Variants in CCNJL observed in about 807,000 individuals in gnomAD.
CCNJL encodes the protein cyclin J like, also known as cyclin-J-like protein.
Under a neutral mutation model 33.4 loss-of-function variants are expected in CCNJL, and 33 were observed. That is an observed-to-expected ratio of 0.99 (90% CI 0.75 to 1.32). CCNJL has a LOEUF of 1.32. CCNJL is among the 40% of genes most tolerant of loss of function. The pLI is 0.00. For missense variants in CCNJL, 512 were observed against 499.7 expected, an observed-to-expected ratio of 1.02 and a Z score of -0.23; for synonymous variants, 227 against 220.9, an observed-to-expected ratio of 1.03 and a Z score of -0.24.
intron 1 of CCNJL, among the ~76,000 whole-genome samples, chr5:160,335,028 C>T (rs1363121943): frequency 4.6e-5 from 7 of 152,202 alleles, no homozygotes; most frequent in Non-Finnish European, 1.0e-4. Context: ...TTTGGGAGGC[C>T]AAGGTGGGCA....
In CCNJL at chr5:160,311,990, A is replaced by G; in HGVS notation, c.-49-18T>C. 6.7e-7 allele frequency: 1 copy of G among 1,487,072 alleles called. No individual in the cohort carries two copies. Among genetic ancestry groups the G allele is most frequent in the Non-Finnish European group, 9.4e-7 (1 of 1,066,474 alleles). 92.1% of individuals were successfully genotyped at this position (1,487,072 alleles called of 1,614,324 possible). A position where few individuals can be genotyped will look rare whatever the true frequency, so the allele number is the denominator to read the frequency against. On this transcript the variant is annotated intron_variant, in intron 1 of 5. Coordinates refer to ENST00000257536, the MANE Select transcript of CCNJL (RefSeq NM_001308173.3). ...GGCGCACCCTGCGTGGACACGGGCA[A>G]CTTCAGCGGCCAGAGCGTACCCCGG...
At chr5:160,277,285 T>C (rs1420955713) in intron 3 of CCNJL, among the ~76,000 whole-genome samples, 1 of 152,080 alleles carries the variant, frequency 6.6e-6, no homozygotes, top group African/African-American at 2.4e-5. Flanking sequence ...GGGTCCAGCA[T>C]GTAGAAAGAA....
At chr5:160,296,850 C>T (rs2113409378) in intron 2 of CCNJL, among the ~76,000 whole-genome samples, 1 of 152,308 alleles carries the variant, frequency 6.6e-6, no homozygotes, top group South Asian at 2.1e-4. Flanking sequence ...CTCCTTGAAG[C>T]TTTTTAAGAC....
At chr5:160,255,089 T>TG (rs1413502266) in intron 5 of CCNJL, 2 of 151,992 alleles carry the variant, frequency 1.3e-5, no homozygotes, top group African/African-American at 4.8e-5. Flanking sequence ...CTGAGGTGGG[T>TG]GGATCATGAG....
intron 1 of CCNJL, chr5:160,326,876 C>G (rs932389319): frequency 1.5e-6 from 1 of 688,232 alleles, no homozygotes; most frequent in East Asian, 3.3e-5. Context: ...TTAGATGATA[C>G]AGAAGAGATT....
rs1302597611 is a variant in CCNJL, at chr5:160,249,506, TA to T, written c.*3871del. The T allele has an allele frequency of 6.6e-6, 1 of 152,180 alleles. No homozygotes were observed. Among genetic ancestry groups the T allele is most frequent in the Non-Finnish European group, 1.5e-5 (1 of 68,036 alleles). 9.4% of individuals were successfully genotyped at this position (152,180 alleles called of 1,614,324 possible). On this transcript the variant is annotated 3_prime_UTR_variant, in exon 6 of 6. Coordinates refer to ENST00000257536, the MANE Select transcript of CCNJL (RefSeq NM_001308173.3). ...GACCAGGCGTAGTGGCTTATACCTG[TA>T]ATCTCAGCACTTTGGGAGGCCGAGG...
intron 1 of CCNJL, among the ~76,000 whole-genome samples, chr5:160,322,231 G>T (rs909398355): frequency 6.6e-6 from 1 of 152,182 alleles, no homozygotes; most frequent in African/African-American, 2.4e-5. Flanking sequence ...ACTTAATCAC[G>T]TCTCTAAGGA....
chr5:160,275,251 A>G (rs950475421), intron 3 of CCNJL, among the ~76,000 whole-genome samples: 1 of 151,844 alleles, frequency 6.6e-6, no homozygotes, highest in African/African-American at 2.4e-5. Flanking sequence ...TGCCTGGCTA[A>G]TTTTTGGAAT....
chr5:160,253,445 G>A lies in CCNJL; in HGVS notation c.1097C>T (p.Ala366Val). 1.2e-6 allele frequency: 2 copies of A among 1,611,472 alleles called. No homozygotes were observed. The highest frequency in any genetic ancestry group is 1.7e-6 in the Non-Finnish European group (2 of 1,178,356). Residue 366 changes from alanine to valine, a missense_variant, in exon 6 of 6, where the codon GCC becomes GTC. Transcript: ENST00000257536. ...GAAGTAGCTGCTTCCATAGGTGGTG[G>A]CGAGGCAGTGCCTGGGCTCAGCTGC... ...AIAAEPRHCLATTYGSSYFSG... is the reference protein window; with the variant it reads ...AIAAEPRHCLVTTYGSSYFSG...
At chr5:160,320,370 C>T (rs1763425576) in intron 1 of CCNJL, among the ~76,000 whole-genome samples, 1 of 152,110 alleles carries the variant, frequency 6.6e-6, no homozygotes, top group South Asian at 2.1e-4. Context: ...GATTCGATCC[C>T]AGAGGACACA....
At chr5:160,287,243 A>G (rs768727110) in intron 2 of CCNJL, among the ~76,000 whole-genome samples, 1 of 152,126 alleles carries the variant, frequency 6.6e-6, no homozygotes, top group Admixed American at 6.6e-5. Context: ...CTCTTCCCTC[A>G]AGCTGGGGAA....
intron 3 of CCNJL, among the ~76,000 whole-genome samples, chr5:160,280,102 C>T (rs1304787324): frequency 2.0e-5 from 3 of 152,156 alleles, no homozygotes; most frequent in African/African-American, 7.2e-5. Flanking sequence ...GCTAGGGTTC[C>T]CCTCCCAGCA....
intron 1 of CCNJL, among the ~76,000 whole-genome samples, 153 bp from the exon 2 acceptor site, chr5:160,312,125 G>A (rs1188225967): frequency 6.6e-6 from 1 of 152,212 alleles, no homozygotes; most frequent in African/African-American, 2.4e-5. Context: ...GTCCGCGGAA[G>A]GCTGCGGTGC....
intron 3 of CCNJL, among the ~76,000 whole-genome samples, chr5:160,260,543 C>T (rs530782477): frequency 2.6e-4 from 39 of 152,096 alleles, no homozygotes; most frequent in East Asian, 1.2e-3. Flanking sequence ...ATAGCAACCC[C>T]GGCAGTCATC....
Position 160,292,961 on chromosome 5 carries a change from T to C in CCNJL, c.67-12223A>G, listed in dbSNP as rs576463086. 1.9e-3 allele frequency among the ~76,000 whole-genome samples: 296 copies of C among 152,342 alleles called. 3 individuals are homozygous for C. The highest frequency in any genetic ancestry group is 6.7e-3 in the African/African-American group (278 of 41,576). ...AGCATCCCTACATTACAGACAAGGATGGCTCAGAGAGACTAAGTAACTTGC... is the reference window on the plus strand; with the variant it reads ...AGCATCCCTACATTACAGACAAGGACGGCTCAGAGAGACTAAGTAACTTGC... On this transcript the variant is annotated intron_variant, in intron 2 of 5. Transcript: ENST00000257536.
intron 1 of CCNJL, 134 bp downstream of exon 1, chr5:160,312,230 G>A (rs927107954): frequency 1.2e-5 from 6 of 482,426 alleles, no homozygotes; most frequent in African/African-American, 2.0e-5. Context: ...TGCAGAGAAA[G>A]TTGTCAACTC....
At chr5:160,327,908 AAGTGCCAT>A (rs138038640) in intron 1 of CCNJL, among the ~76,000 whole-genome samples, 8,238 of 152,282 alleles carry the variant, frequency 0.054, 290 homozygotes, top group East Asian at 0.15. Context: ...AAAAAGTAGT[AAGTGCCAT>A]GCAGAGAATG....
intron 1 of CCNJL, among the ~76,000 whole-genome samples, chr5:160,321,064 TTC>T (rs1407376983): frequency 1.5e-4 from 18 of 118,708 alleles, no homozygotes; most frequent in African/African-American, 7.7e-4. Context: ...CTTTCTTTCT[TTC>T]TTTCTTTCTT....
At chr5:160,316,483 C>G (rs1763381821), upstream of CCNJL, among the ~76,000 whole-genome samples, 1 of 152,120 alleles carries the variant, frequency 6.6e-6, no homozygotes, top group Non-Finnish European at 1.5e-5. Flanking sequence ...AATATTTTCA[C>G]TGTGATATTA....
Sources: allele counts gnomAD v4.1 joint callset (sites outside exome capture counted in the v4.1 genomes callset), GRCh38; gene constraint gnomAD v4.1.1; transcripts MANE v1.5; gene names NCBI Gene and HGNC (gene_info 2026-07-23, HGNC 2026-07-21).